The following FKBP1A variants were observed in gnomAD, a reference collection of about 807,000 sequenced individuals.
FKBP1A encodes peptidyl-prolyl cis-trans isomerase FKBP1A.
FKBP1A carries 5 observed loss-of-function variants against 14.2 expected under a neutral mutation model. The observed-to-expected ratio is 0.35, with a 90% CI of 0.18 to 0.74. The LOEUF (loss-of-function observed/expected upper bound fraction) is 0.74. FKBP1A is among the 30% of genes least tolerant of loss of function. FKBP1A has a pLI of 0.56. For synonymous variants in FKBP1A, 42 were observed against 49.1 expected (o/e 0.86, Z 0.60); for missense variants, 53 against 138.8 (o/e 0.38, Z 3.10).
chr20:1,384,732 A>T (rs1016399100), intron 2 of FKBP1A, among the ~76,000 whole-genome samples: 2 of 152,160 alleles, frequency 1.3e-5, no homozygotes, highest in African/African-American at 4.8e-5. Flanking sequence ...ACCTCCCTGA[A>T]GTGGGGTTCT....
At chr20:1,383,783 G>GCTA (rs1250097544) in intron 2 of FKBP1A, among the ~76,000 whole-genome samples, 3 of 150,398 alleles carry the variant, frequency 2.0e-5, no homozygotes, top group Non-Finnish European at 2.9e-5. Context: ...GTTGCAGTGA[G>GCTA]CTATGACCGC....
chr20:1,375,088 T>C (rs1439576480), intron 3 of FKBP1A, among the ~76,000 whole-genome samples: 2 of 152,170 alleles, frequency 1.3e-5, no homozygotes, highest in Non-Finnish European at 2.9e-5. Context: ...CCATCCATCT[T>C]GGCCTCCCAA....
rs1276474108 is a variant in FKBP1A, at chr20:1,370,001, G to A, written c.*108C>T. Reference sequence around the variant, plus strand: ...GGCAGATGTCTATACAAAGTGGAGTGGAACATCAGGAAAAGCTCCATATGG... The same window carrying A: ...GGCAGATGTCTATACAAAGTGGAGTAGAACATCAGGAAAAGCTCCATATGG... On this transcript the variant is annotated 3_prime_UTR_variant, in exon 5 of 5. Transcript: ENST00000400137. 1.9e-6 allele frequency: 3 copies of A among 1,548,888 alleles called. No individual in the cohort carries two copies. The highest frequency in any genetic ancestry group is 2.7e-5 in the African/African-American group (2 of 73,002).
In FKBP1A at chr20:1,372,014, G is replaced by A. The variant is rs762834082; in HGVS notation, c.*36+62C>T. 1.9e-4 allele frequency: 297 copies of A among 1,558,542 alleles called. 2 individuals carry two copies. The Admixed American group carries it at 4.8e-3, about 25-fold the overall frequency. The stretch of plus-strand genomic sequence containing the variant: ...TTGTTCTCTCTGCTACCCATCAAAC[G>A]CTGGGCATAACATGGGAGGAGCAAA... On this transcript the variant is annotated intron_variant, in intron 4 of 4. Coordinates refer to ENST00000400137, the MANE Select transcript of FKBP1A (RefSeq NM_000801.5).
chr20:1,391,269 A>G (rs573655547), intron 2 of FKBP1A, among the ~76,000 whole-genome samples: 1 of 152,196 alleles, frequency 6.6e-6, no homozygotes, highest in South Asian at 2.1e-4. Flanking sequence ...GCGGAACTGA[A>G]TGAACTGCCC....
At chr20:1,373,053 G>C (rs889928706) in intron 3 of FKBP1A, 1 of 152,220 alleles carries the variant, frequency 6.6e-6, no homozygotes, top group African/African-American at 2.4e-5. Context: ...CCATGTGTAT[G>C]TTCCCGACTT....
chr20:1,374,373 G>A (rs1242840955), intron 3 of FKBP1A: 4 of 152,150 alleles, frequency 2.6e-5, no homozygotes, highest in East Asian at 1.9e-4. Context: ...CAAGACAAAC[G>A]AAATGACTTT....
chr20:1,389,574 G>C (rs1402841672), intron 2 of FKBP1A, among the ~76,000 whole-genome samples: 1 of 152,226 alleles, frequency 6.6e-6, no homozygotes, highest in African/African-American at 2.4e-5. Flanking sequence ...AGGACATGAG[G>C]TTGAGGGGCT....
intron 2 of FKBP1A, among the ~76,000 whole-genome samples, chr20:1,388,935 C>G (rs192394659): frequency 6.6e-6 from 1 of 152,178 alleles, no homozygotes; most frequent in Non-Finnish European, 1.5e-5. Flanking sequence ...TCTAATGCAC[C>G]GAGCAGGCTC....
chr20:1,371,915 G>T, intron 4 of FKBP1A, 161 bp downstream of exon 4: 1 of 1,395,670 alleles, frequency 7.2e-7, no homozygotes, highest in African/African-American at 1.5e-5. Flanking sequence ...TACATTCAAA[G>T]CATACACTAA....
intron 2 of FKBP1A, among the ~76,000 whole-genome samples, chr20:1,378,926 A>G (rs1382968816): frequency 6.6e-6 from 1 of 152,218 alleles, no homozygotes; most frequent in Non-Finnish European, 1.5e-5. Flanking sequence ...GTCAGGACCC[A>G]GTACACACCC....
At chr20:1,388,165 A>G (rs2089689057) in intron 2 of FKBP1A, among the ~76,000 whole-genome samples, 1 of 152,258 alleles carries the variant, frequency 6.6e-6, no homozygotes, top group African/African-American at 2.4e-5. Context: ...TGAAGTACTC[A>G]CACTAAAATG....
chr20:1,370,286 T>C (rs1339088531), intron 4 of FKBP1A: 3 of 985,362 alleles, frequency 3.0e-6, no homozygotes, highest in Non-Finnish European at 2.4e-6. Flanking sequence ...TCTGTGTGTT[T>C]TGTTTAATCT....
intron 4 of FKBP1A, chr20:1,371,672 T>C (rs2122652776): frequency 1.0e-6 from 1 of 981,868 alleles, no homozygotes; most frequent in Non-Finnish European, 1.2e-6. Flanking sequence ...CAAAGGGCTT[T>C]TTTTTTCCCC....
In FKBP1A at chr20:1,369,116, A is replaced by T. The variant is rs1304990125; in HGVS notation, c.*993T>A. 2.4e-5 allele frequency: 4 copies of T among 167,152 alleles called. No individual in the cohort carries two copies. The highest frequency in any genetic ancestry group is 5.9e-5 in the Non-Finnish European group (4 of 68,170). The allele number at this position is 167,152 out of a possible 1,614,324, so 10.4% of individuals were successfully genotyped here. On this transcript the variant is annotated 3_prime_UTR_variant, in exon 5 of 5. Coordinates refer to ENST00000400137, the MANE Select transcript of FKBP1A (RefSeq NM_000801.5). ...CAAAGGGGTGAGAAGGGGCTGAGGG[A>T]GGAAAAGCCAGGAAACTGAGATCAG...
At chr20:1,380,385 A>G (rs185853986) in intron 2 of FKBP1A, among the ~76,000 whole-genome samples, 31 of 152,218 alleles carry the variant, frequency 2.0e-4, no homozygotes, top group African/African-American at 7.2e-4. Context: ...TGAGCAAACT[A>G]TTCAAGGCCA....
rs878863207 is a variant in FKBP1A, at chr20:1,371,669, CT to C, written c.*36+406del. 291 of 952,450 alleles carry C rather than the reference CT, an allele frequency of 3.1e-4. 2 individuals carry two copies. The highest frequency in any genetic ancestry group is 1.1e-3 in the Middle Eastern group (2 of 1,852). The allele number at this position is 952,450 out of a possible 1,614,324, so 59.0% of individuals were successfully genotyped here. A position where few individuals can be genotyped will look rare whatever the true frequency, so the allele number is the denominator to read the frequency against. ...GGACATGATATTCATATCCAAAGGG[CT>C]TTTTTTTTCCCCCTCTAGCTTCTAG... On this transcript the variant is annotated intron_variant, in intron 4 of 4. Coordinates refer to ENST00000400137, the MANE Select transcript of FKBP1A (RefSeq NM_000801.5).
At chr20:1,373,473 T>A (rs2089495846) in intron 3 of FKBP1A, among the ~76,000 whole-genome samples, 1 of 152,070 alleles carries the variant, frequency 6.6e-6, no homozygotes, top group African/African-American at 2.4e-5. Context: ...AGGAAAAGGG[T>A]CACAAGTCAA....
chr20:1,387,329 G>A (rs1381296362), intron 2 of FKBP1A, among the ~76,000 whole-genome samples: 1 of 152,104 alleles, frequency 6.6e-6, no homozygotes, highest in African/African-American at 2.4e-5. Flanking sequence ...GGAATGGTGG[G>A]AGCCTGTCAA....
Sources: allele counts gnomAD v4.1 joint callset (sites outside exome capture counted in the v4.1 genomes callset), GRCh38; gene constraint gnomAD v4.1.1; transcripts MANE v1.5; gene names NCBI Gene and HGNC (gene_info 2026-07-23, HGNC 2026-07-21).